PARD6G: variants seen among roughly 807,000 people sequenced by gnomAD.
The protein encoded by PARD6G is par-6 family cell polarity regulator gamma, also known as partitioning defective 6 homolog gamma.
A neutral mutation model predicts 10.7 loss-of-function variants in PARD6G; 7 were observed. The observed-to-expected ratio is 0.66, with a 90% CI of 0.37 to 1.23. The LOEUF (loss-of-function observed/expected upper bound fraction) is 1.23. PARD6G is among the 50% of genes most tolerant of loss of function. PARD6G has a pLI of 0.02. For missense variants in PARD6G, 548 were observed against 571.8 expected (o/e 0.96, Z 0.42); for synonymous variants, 287 against 269.4 (o/e 1.07, Z -0.64).
At chr18:80,195,572 T>TATATATATATATATACAC (rs894731117) in intron 2 of PARD6G, among the ~76,000 whole-genome samples, 1 of 87,346 alleles carries the variant, frequency 1.1e-5, no homozygotes, top group African/African-American at 5.9e-5. Context: ...TATATATATA[T>TATATATATATATATACAC]ACACACATTT....
At position 80,201,290 on chromosome 18, in the gene PARD6G, A is replaced by T. The variant is rs968780121; in HGVS notation, c.295+1420T>A. Among the ~76,000 whole-genome samples, 6 of 152,178 alleles carry T rather than the reference A, an allele frequency of 3.9e-5. No homozygotes were observed. Among genetic ancestry groups the T allele is most frequent in the Non-Finnish European group, 7.4e-5 (5 of 68,026 alleles). On this transcript the variant is annotated intron_variant, in intron 2 of 2. Coordinates refer to ENST00000353265, the MANE Select transcript of PARD6G (RefSeq NM_032510.4). This position sits in a 1 kb window ranked among gnomAD's most constrained non-coding sequence, Gnocchi z 5.9. ...ACACCCAGGCAATGTGAAGGGGTAGAGAGTTCCAGGGCAGGGGGCAGGGGG... is the reference window on the plus strand; with the variant it reads ...ACACCCAGGCAATGTGAAGGGGTAGTGAGTTCCAGGGCAGGGGGCAGGGGG...
chr18:80,191,464 G>A (rs1028738917), intron 2 of PARD6G, among the ~76,000 whole-genome samples: 21 of 152,134 alleles, frequency 1.4e-4, no homozygotes, highest in African/African-American at 3.9e-4. Context: ...TCTGAGTGCC[G>A]ACCACAGCTC....
At chr18:80,195,572 TACAC>T (rs10539423) in intron 2 of PARD6G, among the ~76,000 whole-genome samples, 40 of 87,284 alleles carry the variant, frequency 4.6e-4, no homozygotes, top group African/African-American at 2.3e-3. Context: ...TATATATATA[TACAC>T]ACATTTTTTT....
intron 2 of PARD6G, among the ~76,000 whole-genome samples, chr18:80,185,758 TCA>T (rs767570824): frequency 9.2e-5 from 11 of 119,148 alleles, no homozygotes; most frequent in Non-Finnish European, 1.7e-4. Flanking sequence ...TCGCACACCC[TCA>T]CACATGCATA....
intron 1 of PARD6G, among the ~76,000 whole-genome samples, chr18:80,241,558 T>C (rs567765972): frequency 5.3e-5 from 8 of 152,176 alleles, no homozygotes; most frequent in Non-Finnish European, 1.2e-4. Context: ...CTGGCACATA[T>C]ATGCACGTAT....
At chr18:80,210,293 C>G (rs918791540) in intron 1 of PARD6G, among the ~76,000 whole-genome samples, 4 of 152,344 alleles carry the variant, frequency 2.6e-5, no homozygotes, top group African/African-American at 9.6e-5. Flanking sequence ...ACTGTCAAAA[C>G]CAACTTTTAG....
chr18:80,188,711 T>G lies in PARD6G; in HGVS notation c.295+13999A>C, dbSNP rs922996015. Among the ~76,000 whole-genome samples the G allele has an allele frequency of 1.3e-5, 2 of 152,184 alleles. No homozygotes were observed. Among genetic ancestry groups the G allele is most frequent in the East Asian group, 3.9e-4 (2 of 5,194 alleles). ...AGATGCAGGGCAGAGTTCACACGGC[T>G]TCTCAGGGGCCTGCATCTCAGAAGA... On this transcript the variant is annotated intron_variant, in intron 2 of 2. Coordinates refer to ENST00000353265, the MANE Select transcript of PARD6G (RefSeq NM_032510.4). This position sits in a 1 kb window ranked among gnomAD's most constrained non-coding sequence, Gnocchi z 5.4.
Position 80,158,002 on chromosome 18 carries a change from C to CAGATA in PARD6G, c.*1768_*1769insTATCT, listed in dbSNP as rs1241483617. 6.6e-6 allele frequency: 1 copy of CAGATA among 152,188 alleles called. No individual in the cohort carries two copies. The highest frequency in any genetic ancestry group is 2.4e-5 in the African/African-American group (1 of 41,432). The allele number at this position is 152,188 out of a possible 1,614,324, so 9.4% of individuals were successfully genotyped here. On this transcript the variant is annotated 3_prime_UTR_variant, in exon 3 of 3. Coordinates refer to ENST00000353265, the MANE Select transcript of PARD6G (RefSeq NM_032510.4). ...GACAACCTAGAAAAATATTTCTTTA[C>CAGATA]CTGTATCTGTATGAAAGATTTGGTC...
chr18:80,229,798 T>A (rs1212533821), intron 1 of PARD6G, among the ~76,000 whole-genome samples: 1 of 152,024 alleles, frequency 6.6e-6, no homozygotes, highest in East Asian at 1.9e-4. Flanking sequence ...GGGTGAAGCG[T>A]GAGGACAGAG....
intron 2 of PARD6G, among the ~76,000 whole-genome samples, chr18:80,177,328 G>A (rs889684252): frequency 1.5e-5 from 2 of 137,240 alleles, no homozygotes; most frequent in Non-Finnish European, 3.1e-5. Context: ...CAAATGGGAA[G>A]CGCACACACA....
intron 2 of PARD6G, among the ~76,000 whole-genome samples, chr18:80,197,938 G>A (rs927908802): frequency 5.9e-5 from 9 of 152,224 alleles, no homozygotes; most frequent in African/African-American, 2.2e-4. Flanking sequence ...GGTAACTGCT[G>A]TTCTTCTCAC....
rs1242544331 is a variant in PARD6G, at chr18:80,181,845, T to C, written c.295+20865A>G. On this transcript the variant is annotated intron_variant, in intron 2 of 2. Coordinates refer to ENST00000353265, the MANE Select transcript of PARD6G (RefSeq NM_032510.4). This position sits in a 1 kb window ranked among gnomAD's most constrained non-coding sequence, Gnocchi z 7.9. ...TGGATGAAGCACCTCAGAGATCCAC[T>C]GCCCAAGGCTGCCCGGTAGACCTGT... Among the ~76,000 whole-genome samples the C allele has an allele frequency of 1.3e-5, 2 of 152,100 alleles. No individual in the cohort carries two copies. The highest frequency in any genetic ancestry group is 4.8e-5 in the African/African-American group (2 of 41,406).
rs1471841964 is a variant in PARD6G at position 80,247,350 on chromosome 18, G to T, written c.-2C>A. 1.9e-6 allele frequency: 3 copies of T among 1,567,510 alleles called. No individual in the cohort carries two copies. Among genetic ancestry groups the T allele is most frequent in the Admixed American group, 1.8e-5 (1 of 55,250 alleles). On this transcript the variant is annotated 5_prime_UTR_variant, in exon 1 of 3. Coordinates refer to ENST00000353265, the MANE Select transcript of PARD6G (RefSeq NM_032510.4). The surrounding 1 kb of genome is among the most constrained non-coding windows in gnomAD (Gnocchi z 4.2). The stretch of plus-strand genomic sequence containing the variant: ...AGACTTGTGAAAACTTCGGTTCATG[G>T]TTTCGGCCCCGGTCAGCCTCGCCGT...
At chr18:80,222,103 T>A (rs1967237307) in intron 1 of PARD6G, among the ~76,000 whole-genome samples, 1 of 151,988 alleles carries the variant, frequency 6.6e-6, no homozygotes, top group African/African-American at 2.4e-5. Flanking sequence ...CTTTTTTTTT[T>A]AAATGAAGTC....
chr18:80,168,173 CAG>C (rs1431597822), intron 2 of PARD6G, among the ~76,000 whole-genome samples: 3 of 152,294 alleles, frequency 2.0e-5, no homozygotes, highest in Admixed American at 6.5e-5. Context: ...AGCTGCAGCT[CAG>C]GTGAGAGAAC....
Position 80,195,572 on chromosome 18 carries a change from T to TATATATAC in PARD6G, c.295+7137_295+7138insGTATATAT, listed in dbSNP as rs894731117. ...ACATATATATATATATATATATATA[T>TATATATAC]ACACACATTTTTTTTTCTTTTTTTT... is the stretch of plus-strand genomic sequence containing the variant. On this transcript the variant is annotated intron_variant, in intron 2 of 2. Transcript: ENST00000353265. 7.1e-4 allele frequency among the ~76,000 whole-genome samples: 62 copies of TATATATAC among 87,328 alleles called. 2 individuals are homozygous for TATATATAC. The highest frequency in any genetic ancestry group is 6.1e-3 in the Admixed American group (48 of 7,836). The allele number at this position is 87,328 out of a possible 152,430, so 57.3% of individuals were successfully genotyped here.
chr18:80,211,679 T>C (rs555230063), intron 1 of PARD6G, among the ~76,000 whole-genome samples: 8 of 152,338 alleles, frequency 5.3e-5, no homozygotes, highest in South Asian at 2.1e-4. Context: ...AATGGATGAA[T>C]AGGCAAAAGG....
rs1340930706 is a variant in PARD6G, at chr18:80,182,536, C to T, written c.295+20174G>A. 6.6e-6 allele frequency among the ~76,000 whole-genome samples: 1 copy of T among 152,234 alleles called. No homozygotes were observed. Among genetic ancestry groups the T allele is most frequent in the Non-Finnish European group, 1.5e-5 (1 of 68,042 alleles). On this transcript the variant is annotated intron_variant, in intron 2 of 2. Coordinates refer to ENST00000353265, the MANE Select transcript of PARD6G (RefSeq NM_032510.4). The surrounding 1 kb of genome is among the most constrained non-coding windows in gnomAD (Gnocchi z 4.5). ...TGACACCTCAACTGTGAATGCATTT[C>T]CCATAACATCTGAAAATGTACACTA...
chr18:80,157,367 C>T lies in PARD6G; in HGVS notation c.*2404G>A, dbSNP rs2052662714. 6.6e-6 allele frequency: 1 copy of T among 151,982 alleles called. No homozygotes were observed. Among genetic ancestry groups the T allele is most frequent in the African/African-American group, 2.4e-5 (1 of 41,360 alleles). The allele number at this position is 151,982 out of a possible 1,614,324, so 9.4% of individuals were successfully genotyped here. ...AAGTACAGACCTGTGTAGAAAAATA[C>T]ACCCAAGCAGCTGTTCTAAGCAGTA... is the stretch of plus-strand genomic sequence containing the variant. On this transcript the variant is annotated 3_prime_UTR_variant, in exon 3 of 3. Transcript: ENST00000353265.
Sources: allele counts gnomAD v4.1 joint callset (sites outside exome capture counted in the v4.1 genomes callset), GRCh38; gene constraint gnomAD v4.1.1; non-coding constraint Gnocchi (gnomAD v3.1); transcripts MANE v1.5; gene names NCBI Gene and HGNC (gene_info 2026-07-23, HGNC 2026-07-21).